Variants in KAZN observed in about 807,000 individuals in gnomAD.
The protein encoded by KAZN is kazrin.
In KAZN, 40 loss-of-function variants were observed where a neutral mutation model predicts 87.4. The observed-to-expected ratio is 0.46, with a 90% CI of 0.36 to 0.60. KAZN has a LOEUF of 0.60. KAZN is among the 20% of genes least tolerant of loss of function. KAZN has a pLI of 0.00. For missense variants in KAZN, 898 were observed against 1,073.9 expected, an observed-to-expected ratio of 0.84 and a Z score of 2.29; for synonymous variants, 466 against 458.3, an observed-to-expected ratio of 1.02 and a Z score of -0.22.
At chr1:14,209,975 C>T (rs614719) in intron 2 of KAZN, among the ~76,000 whole-genome samples, 50,354 of 152,034 alleles carry the variant, frequency 0.33, 10,128 homozygotes, top group Non-Finnish European at 0.45. Flanking sequence ...TAGCTTCATC[C>T]TGTCCCTGCC....
chr1:14,426,623 A>T (rs1665746079), intron 2 of KAZN, among the ~76,000 whole-genome samples: 1 of 152,136 alleles, frequency 6.6e-6, no homozygotes, highest in Non-Finnish European at 1.5e-5. Flanking sequence ...CACTGAGGTG[A>T]TGCTTTCTGA....
intron 1 of KAZN, among the ~76,000 whole-genome samples, chr1:13,965,389 T>C (rs1641906535): frequency 6.6e-6 from 1 of 152,126 alleles, no homozygotes; most frequent in African/African-American, 2.4e-5. Flanking sequence ...AATAAGATGC[T>C]GATGCCAAGT....
chr1:14,545,726 T>G (rs1246909730), intron 2 of KAZN, among the ~76,000 whole-genome samples: 1 of 152,070 alleles, frequency 6.6e-6, no homozygotes. Context: ...TAGACAGGGG[T>G]CTCTGTTCAT....
chr1:14,494,658 C>T (rs1261670371), intron 2 of KAZN, among the ~76,000 whole-genome samples: 1 of 152,158 alleles, frequency 6.6e-6, no homozygotes, highest in East Asian at 1.9e-4. Context: ...ATCCCCACTG[C>T]CTTACTTCTG....
At chr1:15,087,453 C>T (rs145706319) in intron 8 of KAZN, among the ~76,000 whole-genome samples, 1,511 of 149,392 alleles carry the variant, frequency 0.01, 42 homozygotes, top group East Asian at 0.086. Flanking sequence ...AGTGTAGTGG[C>T]GTGATCTCAG....
At chr1:15,003,227 G>A (rs180904614) in intron 2 of KAZN, among the ~76,000 whole-genome samples, 3 of 152,110 alleles carry the variant, frequency 2.0e-5, no homozygotes, top group Non-Finnish European at 4.4e-5. Flanking sequence ...AGCTTTCCAG[G>A]TGGGATAATG....
chr1:14,688,071 C>A (rs546339309), intron 1 of KAZN, among the ~76,000 whole-genome samples: 3 of 152,178 alleles, frequency 2.0e-5, no homozygotes, highest in Admixed American at 1.3e-4. Flanking sequence ...GCTCTACCCC[C>A]ACCCGTGCCC....
intron 1 of KAZN, among the ~76,000 whole-genome samples, chr1:14,883,344 A>AGAGAGAGAGAGACAGAGAGAGAGAG (rs1557586164): frequency 3.4e-5 from 1 of 29,642 alleles, no homozygotes; most frequent in African/African-American, 9.6e-5. Flanking sequence ...GAGAGAGAGA[A>AGAGAGAGAGAGACAGAGAGAGAGAG]AGAAAGAAAG....
intron 2 of KAZN, among the ~76,000 whole-genome samples, chr1:14,249,855 A>C (rs1649850581): frequency 6.6e-6 from 1 of 151,558 alleles, no homozygotes; most frequent in African/African-American, 2.4e-5. Context: ...AGAAACAGAA[A>C]TGAATACTAA....
intron 2 of KAZN, among the ~76,000 whole-genome samples, chr1:14,311,377 T>G (rs1405897516): frequency 6.6e-6 from 1 of 152,214 alleles, no homozygotes; most frequent in Admixed American, 6.5e-5. Context: ...GATATAAAGC[T>G]TTATCTTACA....
rs1457610052 is a variant in KAZN at position 14,491,445 on chromosome 1, CTCCCCTAG to C, written c.250-107530_250-107523del. 1.7e-4 allele frequency among the ~76,000 whole-genome samples: 26 copies of C among 152,302 alleles called. 1 individual carries two copies. The highest frequency in any genetic ancestry group is 4.1e-4 in the South Asian group (2 of 4,826). The stretch of plus-strand genomic sequence containing the variant: ...TTAGGTATTTCTCCTAATGCTATCC[CTCCCCTAG>C]TCCCCTACCCGCCGACAGGTCCCGG... On this transcript the variant is annotated intron_variant, in intron 2 of 16. Transcript: ENST00000636203.
At chr1:13,936,269 T>G (rs944124215) in intron 1 of KAZN, among the ~76,000 whole-genome samples, 1 of 151,208 alleles carries the variant, frequency 6.6e-6, no homozygotes, top group African/African-American at 2.4e-5. Flanking sequence ...GCTAATTTTT[T>G]TTTTGTATAT....
At chr1:15,033,960 A>G (rs12128665) in intron 2 of KAZN, among the ~76,000 whole-genome samples, 64,930 of 152,004 alleles carry the variant, frequency 0.43, 15,807 homozygotes, top group South Asian at 0.55. Context: ...GGCTGGTCTC[A>G]AGCTCCTGAT....
intron 2 of KAZN, among the ~76,000 whole-genome samples, chr1:14,198,240 A>T (rs541607819): frequency 6.6e-6 from 1 of 152,292 alleles, no homozygotes; most frequent in Admixed American, 6.5e-5. Flanking sequence ...AGGGAGAAGG[A>T]TGGTGATAAA....
intron 2 of KAZN, among the ~76,000 whole-genome samples, chr1:14,305,658 T>A (rs1654868450): frequency 7.1e-6 from 1 of 141,788 alleles, no homozygotes; most frequent in Admixed American, 6.9e-5. Context: ...CTGCTCTCCC[T>A]TTTTTTTTTG....
At chr1:14,408,526 G>A (rs1664051157) in intron 2 of KAZN, among the ~76,000 whole-genome samples, 2 of 49,808 alleles carry the variant, frequency 4.0e-5, no homozygotes, top group Non-Finnish European at 7.5e-5. Flanking sequence ...TGAGATCAGG[G>A]AGCCGGCCTG....
At chr1:14,241,756 G>A (rs775223677) in intron 2 of KAZN, among the ~76,000 whole-genome samples, 5 of 152,160 alleles carry the variant, frequency 3.3e-5, no homozygotes, top group Non-Finnish European at 7.3e-5. Flanking sequence ...TATTGAAGAG[G>A]ACTCAACTGG....
intron 1 of KAZN, among the ~76,000 whole-genome samples, chr1:14,177,331 A>C (rs114095577): frequency 0.012 from 1,896 of 152,252 alleles, 35 homozygotes; most frequent in African/African-American, 0.042. Flanking sequence ...TGTTTATGCT[A>C]CTCAAACATT....
At chr1:14,882,178 C>G (rs1653409331) in intron 1 of KAZN, among the ~76,000 whole-genome samples, 1 of 152,202 alleles carries the variant, frequency 6.6e-6, no homozygotes, top group African/African-American at 2.4e-5. Context: ...TTTTTCATAA[C>G]TGAACAGGAA....
Sources: allele counts gnomAD v4.1 joint callset (sites outside exome capture counted in the v4.1 genomes callset), GRCh38; gene constraint gnomAD v4.1.1; transcripts MANE v1.5; gene names NCBI Gene and HGNC (gene_info 2026-07-23, HGNC 2026-07-21).